LPP: variants seen among roughly 807,000 people sequenced by gnomAD.
LPP encodes the protein lipoma-preferred partner.
Under a neutral mutation model 60.4 loss-of-function variants are expected in LPP, and 38 were observed. The ratio of observed to expected loss-of-function variants is 0.63; its 90% CI spans 0.49 to 0.83. LPP has a LOEUF of 0.83. Among genes scored for constraint, LPP ranks in the 40% least tolerant of loss-of-function variants. The pLI, the probability that LPP is intolerant of heterozygous loss-of-function variation, is 0.00. For missense variants in LPP, 902 were observed against 783.6 expected, an observed-to-expected ratio of 1.15 and a Z score of -1.80; for synonymous variants, 328 against 290.8, an observed-to-expected ratio of 1.13 and a Z score of -1.30.
intron 1 of LPP, among the ~76,000 whole-genome samples, chr3:188,175,046 G>A (rs546090156): frequency 6.6e-6 from 1 of 152,268 alleles, no homozygotes; most frequent in Admixed American, 6.5e-5. Context: ...TGACACTGCT[G>A]ACACTAGACT....
chr3:188,370,116 C>T lies in LPP; in HGVS notation c.-10+28397C>T, dbSNP rs375186799. Reference sequence around the variant, plus strand: ...CTAATTTTTGTATTTTTAGTAGAGACGGGGTTTTACCGTCTTGGTATGACT... The same window carrying T: ...CTAATTTTTGTATTTTTAGTAGAGATGGGGTTTTACCGTCTTGGTATGACT... On this transcript the variant is annotated intron_variant, in intron 3 of 11. Transcript: ENST00000617246. Among the ~76,000 whole-genome samples, 22 of 152,148 alleles carry T rather than the reference C, an allele frequency of 1.4e-4. No individual in the cohort carries two copies. The East Asian group carries it at 3.7e-3, about 25-fold the overall frequency.
At chr3:188,729,578 G>A (rs1472531624) in intron 8 of LPP, among the ~76,000 whole-genome samples, 1 of 152,160 alleles carries the variant, frequency 6.6e-6, no homozygotes, top group African/African-American at 2.4e-5. Context: ...TTCTCTTTCA[G>A]TTCAAAACAG....
rs141059454 is a variant in LPP at position 188,440,627 on chromosome 3, A to C, written c.193+34314A>C. ...TATGCTACTCTTTCCCTTAGATGTC[A>C]ATTCATGGTCACATTAAAGTCACAA... On this transcript the variant is annotated intron_variant, in intron 4 of 11. Transcript: ENST00000617246. Among the ~76,000 whole-genome samples, 1,151 of 152,320 alleles carry C rather than the reference A, an allele frequency of 7.6e-3. 13 individuals carry two copies. Among genetic ancestry groups the C allele is most frequent in the Non-Finnish European group, 0.011 (758 of 68,022 alleles).
intron 10 of LPP, among the ~76,000 whole-genome samples, chr3:188,869,918 C>G (rs1367415988): frequency 6.6e-6 from 1 of 152,164 alleles, no homozygotes; most frequent in Non-Finnish European, 1.5e-5. Flanking sequence ...AAGACTATCT[C>G]CCCTACCCTA....
intron 1 of LPP, among the ~76,000 whole-genome samples, chr3:188,156,724 C>T (rs1716555605): frequency 6.6e-6 from 1 of 152,016 alleles, no homozygotes; most frequent in Non-Finnish European, 1.5e-5. Context: ...GTAGTACCAG[C>T]TGCTTGGGAG....
intron 1 of LPP, among the ~76,000 whole-genome samples, chr3:188,167,593 T>TTG (rs1156832108): frequency 6.6e-6 from 1 of 151,314 alleles, no homozygotes; most frequent in Non-Finnish European, 1.5e-5. Context: ...GTGTGTTGTT[T>TTG]TTTTTTTTTT....
chr3:188,540,127 A>G (rs368113681), intron 6 of LPP, among the ~76,000 whole-genome samples: 4 of 152,276 alleles, frequency 2.6e-5, no homozygotes, highest in African/African-American at 9.6e-5. Context: ...CCCTGTGGGT[A>G]TCAGTAGAAT....
chr3:188,611,140 T>C (rs561568826), intron 7 of LPP, among the ~76,000 whole-genome samples: 1 of 152,204 alleles, frequency 6.6e-6, no homozygotes, highest in Non-Finnish European at 1.5e-5. Flanking sequence ...TATAGGGGAA[T>C]AGAGCTCTTC....
intron 7 of LPP, among the ~76,000 whole-genome samples, chr3:188,707,987 G>T (rs2149690305): frequency 6.6e-6 from 1 of 152,272 alleles, no homozygotes; most frequent in East Asian, 1.9e-4. Flanking sequence ...ACAGCAAATA[G>T]TGATTACTTA....
intron 4 of LPP, among the ~76,000 whole-genome samples, chr3:188,406,700 C>T (rs990237845): frequency 2.1e-4 from 32 of 152,290 alleles, no homozygotes; most frequent in African/African-American, 7.2e-4. Flanking sequence ...TGCTGCCAAG[C>T]AGTAGTCCAA....
chr3:188,415,411 G>C (rs1785946144), intron 4 of LPP, among the ~76,000 whole-genome samples: 1 of 151,986 alleles, frequency 6.6e-6, no homozygotes, highest in Non-Finnish European at 1.5e-5. Context: ...CTAACCATAT[G>C]ACTCAGCAAA....
At chr3:188,746,015 G>T (rs988792462) in intron 8 of LPP, among the ~76,000 whole-genome samples, 1 of 152,014 alleles carries the variant, frequency 6.6e-6, no homozygotes, top group Non-Finnish European at 1.5e-5. Context: ...TTCCCATATC[G>T]CATGGATAGC....
chr3:188,462,231 CATTATT>C (rs966316188), intron 4 of LPP, among the ~76,000 whole-genome samples: 4 of 150,954 alleles, frequency 2.6e-5, no homozygotes, highest in African/African-American at 4.9e-5. Context: ...TTAAAATAGA[CATTATT>C]ATTATTATTA....
chr3:188,413,095 T>C (rs148716413), intron 4 of LPP, among the ~76,000 whole-genome samples: 2 of 152,304 alleles, frequency 1.3e-5, no homozygotes, highest in South Asian at 2.1e-4. Flanking sequence ...TGAAGCCATG[T>C]ATCCTGGGTA....
At chr3:188,862,578 G>T (rs569272839) in intron 9 of LPP, among the ~76,000 whole-genome samples, 1 of 151,870 alleles carries the variant, frequency 6.6e-6, no homozygotes. Context: ...CTGGGAGGAG[G>T]AGTCCATGGG....
chr3:188,446,145 C>T (rs1032593262), intron 4 of LPP, among the ~76,000 whole-genome samples: 16 of 152,292 alleles, frequency 1.1e-4, no homozygotes, highest in South Asian at 4.1e-4. Flanking sequence ...TGGTTGATTA[C>T]GGCTTGTGGG....
At chr3:188,509,657 C>A (rs1462731052) in intron 5 of LPP, among the ~76,000 whole-genome samples, 1 of 33,704 alleles carries the variant, frequency 3.0e-5, no homozygotes, top group African/African-American at 1.1e-4. Flanking sequence ...TTCCTTCCTT[C>A]CTTCCTTCCT....
chr3:188,406,396 G>A, intron 4 of LPP, 83 bp downstream of exon 4: 1 of 1,287,296 alleles, frequency 7.8e-7, no homozygotes, highest in South Asian at 1.4e-5. Context: ...AGTTGTGTCA[G>A]AAAAACGTAG....
intron 7 of LPP, among the ~76,000 whole-genome samples, chr3:188,674,865 G>A (rs556841300): frequency 3.0e-4 from 46 of 152,264 alleles, no homozygotes; most frequent in East Asian, 2.1e-3. Flanking sequence ...GGAACCTTCC[G>A]AGGCTGTGAC....
Sources: gnomAD v4.1 joint callset for allele counts (sites outside exome capture counted in the v4.1 genomes callset) on GRCh38, gnomAD v4.1.1 for gene constraint, MANE v1.5 for transcripts, NCBI Gene and HGNC (gene_info 2026-07-23, HGNC 2026-07-21) for gene names.